GOSR1: variants seen among roughly 807,000 people sequenced by gnomAD.
The protein encoded by GOSR1 is golgi SNAP receptor complex member 1.
In GOSR1, 21 loss-of-function variants were observed where a neutral mutation model predicts 35.5. The ratio of observed to expected loss-of-function variants is 0.59; its 90% CI spans 0.42 to 0.85. The LOEUF (loss-of-function observed/expected upper bound fraction) is 0.85. Ranked by LOEUF, GOSR1 falls within the 40% of genes least tolerant of loss-of-function variation. GOSR1 has a pLI of 0.00. For missense variants in GOSR1, 285 were observed against 309.6 expected (o/e 0.92, Z 0.60); for synonymous variants, 94 against 106.6 (o/e 0.88, Z 0.73).
intron 2 of GOSR1, chr17:30,482,915 A>G (rs1914444483): frequency 6.6e-6 from 1 of 152,160 alleles, no homozygotes; most frequent in Non-Finnish European, 1.5e-5. Flanking sequence ...ACTATCTTGA[A>G]AACATTTCCC....
chr17:30,509,970 G>C (rs542534158), intron 6 of GOSR1, among the ~76,000 whole-genome samples: 1 of 152,140 alleles, frequency 6.6e-6, no homozygotes, highest in South Asian at 2.1e-4. Flanking sequence ...TAAAGAGAAA[G>C]TTCATTTCTT....
rs1967974065 is a variant in GOSR1 at position 30,520,201 on chromosome 17, C to T, written c.622+180C>T. 8.3e-6 allele frequency: 4 copies of T among 479,458 alleles called. No homozygotes were observed. In the South Asian group the frequency reaches 2.0e-4, roughly 24 times the overall value. 29.7% of individuals were successfully genotyped at this position (479,458 alleles called of 1,614,324 possible). A position where few individuals can be genotyped will look rare whatever the true frequency, so the allele number is the denominator to read the frequency against. On this transcript the variant is annotated intron_variant, in intron 8 of 8. Coordinates refer to ENST00000451249, the MANE Select transcript of GOSR1 (RefSeq NM_001007025.2). ...AAGTTTATGCTCTTTAGTACCATTCCTAAAAGACTGCACCTCAGAAGTTTC... is the reference window on the plus strand; with the variant it reads ...AAGTTTATGCTCTTTAGTACCATTCTTAAAAGACTGCACCTCAGAAGTTTC...
chr17:30,521,143 A>G (rs1169882496), intron 8 of GOSR1, among the ~76,000 whole-genome samples: 1 of 141,228 alleles, frequency 7.1e-6, no homozygotes, highest in African/African-American at 2.7e-5. Flanking sequence ...CTCTGTAAGC[A>G]TCTCTCCCAT....
chr17:30,522,582 C>A lies in GOSR1; in HGVS notation c.*204C>A. 2.8e-6 allele frequency: 1 copy of A among 355,692 alleles called. No individual in the cohort carries two copies. Among genetic ancestry groups the A allele is most frequent in the Non-Finnish European group, 4.9e-6 (1 of 205,058 alleles). 22.0% of individuals were successfully genotyped at this position (355,692 alleles called of 1,614,324 possible). ...GTGCTGTGTTTTCTAACACATTTTT[C>A]TGTTTTTAATTAAAAAAAAAAAAAA... On this transcript the variant is annotated 3_prime_UTR_variant, in exon 9 of 9. Transcript: ENST00000451249.
intron 7 of GOSR1, among the ~76,000 whole-genome samples, chr17:30,517,059 T>A (rs747594308): frequency 2.0e-5 from 3 of 152,228 alleles, no homozygotes; most frequent in Non-Finnish European, 4.4e-5. Flanking sequence ...AATCACTGCC[T>A]GTGATTTCAG....
chr17:30,483,600 C>G (rs1277529175), intron 2 of GOSR1, among the ~76,000 whole-genome samples: 1 of 152,192 alleles, frequency 6.6e-6, no homozygotes, highest in Non-Finnish European at 1.5e-5. Context: ...AGATTGGAGA[C>G]TATAGTCATT....
At chr17:30,493,976 C>A (rs1006596500) in intron 6 of GOSR1, among the ~76,000 whole-genome samples, 3 of 152,134 alleles carry the variant, frequency 2.0e-5, no homozygotes, top group Non-Finnish European at 4.4e-5. Flanking sequence ...TTAAAGAACA[C>A]ACTCATTTGC....
intron 6 of GOSR1, among the ~76,000 whole-genome samples, chr17:30,508,418 A>T (rs1967485047): frequency 6.6e-6 from 1 of 152,166 alleles, no homozygotes; most frequent in Non-Finnish European, 1.5e-5. Context: ...AGTCAGCCAA[A>T]CCATTATATT....
At chr17:30,500,805 G>C (rs1967175197) in intron 6 of GOSR1, among the ~76,000 whole-genome samples, 1 of 152,036 alleles carries the variant, frequency 6.6e-6, no homozygotes, top group Non-Finnish European at 1.5e-5. Flanking sequence ...GATCCATTTG[G>C]AGAGAATTGA....
intron 6 of GOSR1, among the ~76,000 whole-genome samples, chr17:30,493,406 G>A (rs78665774): frequency 1.6e-4 from 25 of 152,250 alleles, no homozygotes; most frequent in Middle Eastern, 3.4e-3. Context: ...GATGGGCTTC[G>A]TCATTGCCCT....
In GOSR1 at chr17:30,481,269, AC is replaced by A; in HGVS notation, c.146+14del. ...GGAAGACGCGACAGGTATAGGTACTACCAGATTCTGTCTCCTATGCCTTAAC... is the reference window on the plus strand; with the variant it reads ...GGAAGACGCGACAGGTATAGGTACTACAGATTCTGTCTCCTATGCCTTAAC... On this transcript the variant is annotated intron_variant, in intron 2 of 8. Coordinates refer to ENST00000451249, the MANE Select transcript of GOSR1 (RefSeq NM_001007025.2). 6.3e-7 allele frequency: 1 copy of A among 1,595,266 alleles called. No individual in the cohort carries two copies. Among genetic ancestry groups the A allele is most frequent in the Non-Finnish European group, 8.6e-7 (1 of 1,163,898 alleles).
rs1315075840 is a variant in GOSR1 at position 30,484,313 on chromosome 17, C to T, written c.234+12C>T. On this transcript the variant is annotated intron_variant, in intron 3 of 8. Coordinates refer to ENST00000451249, the MANE Select transcript of GOSR1 (RefSeq NM_001007025.2). ...AACTTTTGGCAAGGGTAAGTGCTTT[C>T]TGTTAAATGGCTATTTTGCAAATAA... 1 of 1,452,096 alleles carries T rather than the reference C, an allele frequency of 6.9e-7. No individual in the cohort carries two copies. Among genetic ancestry groups the T allele is most frequent in the South Asian group, 1.1e-5 (1 of 87,700 alleles). The allele number at this position is 1,452,096 out of a possible 1,614,324, so 90.0% of individuals were successfully genotyped here.
chr17:30,490,256 C>T (rs1172659296), intron 5 of GOSR1, 39 bp downstream of exon 5: 3 of 1,038,304 alleles, frequency 2.9e-6, no homozygotes, highest in Admixed American at 1.7e-5. Context: ...AATATTTATT[C>T]AGATTTGGCT....
At chr17:30,518,437 T>TAAA (rs35597510) in intron 7 of GOSR1, among the ~76,000 whole-genome samples, 2 of 147,810 alleles carry the variant, frequency 1.4e-5, no homozygotes, top group African/African-American at 5.0e-5. Flanking sequence ...TCTCTTGATT[T>TAAA]AAAAAAAAAA....
At chr17:30,490,574 C>A (rs1450596133) in intron 5 of GOSR1, among the ~76,000 whole-genome samples, 2 of 152,094 alleles carry the variant, frequency 1.3e-5, no homozygotes, top group African/African-American at 2.4e-5. Context: ...AAAAAAAATT[C>A]TTTAATTGTA....
At chr17:30,507,825 A>G (rs986991136) in intron 6 of GOSR1, among the ~76,000 whole-genome samples, 5 of 152,142 alleles carry the variant, frequency 3.3e-5, no homozygotes, top group African/African-American at 1.2e-4. Flanking sequence ...TGAGGAGTTG[A>G]TTTTAACAGA....
intron 6 of GOSR1, among the ~76,000 whole-genome samples, chr17:30,507,722 CAAAAAAAA>C (rs57856074): frequency 5.6e-5 from 7 of 125,606 alleles, no homozygotes; most frequent in Non-Finnish European, 7.1e-5. Context: ...GACTCTGTCT[CAAAAAAAA>C]AAAAAAAAAA....
At chr17:30,497,708 C>T (rs1237696802) in intron 6 of GOSR1, among the ~76,000 whole-genome samples, 1 of 152,186 alleles carries the variant, frequency 6.6e-6, no homozygotes, top group Non-Finnish European at 1.5e-5. Flanking sequence ...CCGTCAATGC[C>T]AGAATGGCAT....
At chr17:30,499,333 C>T (rs1967114386) in intron 6 of GOSR1, among the ~76,000 whole-genome samples, 1 of 144,206 alleles carries the variant, frequency 6.9e-6, no homozygotes, top group South Asian at 2.2e-4. Flanking sequence ...GTCACATGTT[C>T]TCATTCCTCT....
Sources: allele counts gnomAD v4.1 joint callset (sites outside exome capture counted in the v4.1 genomes callset), GRCh38; gene constraint gnomAD v4.1.1; transcripts MANE v1.5; gene names NCBI Gene and HGNC (gene_info 2026-07-23, HGNC 2026-07-21).